FARS2: variants seen among roughly 807,000 people sequenced by gnomAD.
The protein encoded by FARS2 is phenylalanyl-tRNA synthetase 2, mitochondrial, also known as phenylalanine--tRNA ligase, mitochondrial.
FARS2 carries 40 observed loss-of-function variants against 46.4 expected under a neutral mutation model. The observed-to-expected ratio is 0.86, with a 90% CI of 0.67 to 1.12. The LOEUF (loss-of-function observed/expected upper bound fraction) is 1.12. FARS2 is among the 50% of genes most tolerant of loss of function. The pLI, the probability that FARS2 is intolerant of heterozygous loss-of-function variation, is 0.00. For missense variants in FARS2, 513 were observed against 567.9 expected (o/e 0.90, Z 0.98); for synonymous variants, 234 against 214.9 (o/e 1.09, Z -0.78).
chr6:5,595,490 A>G (rs1013974348), intron 5 of FARS2, among the ~76,000 whole-genome samples: 2 of 152,192 alleles, frequency 1.3e-5, no homozygotes, highest in African/African-American at 2.4e-5. Flanking sequence ...AGAGCCACAG[A>G]CTTTCTCATT....
At chr6:5,678,742 G>T (rs1341943318) in intron 6 of FARS2, among the ~76,000 whole-genome samples, 2 of 152,180 alleles carry the variant, frequency 1.3e-5, no homozygotes, top group Non-Finnish European at 2.9e-5. Flanking sequence ...ATGGAAGCTA[G>T]GAGGGAAACA....
intron 3 of FARS2, among the ~76,000 whole-genome samples, chr6:5,416,342 T>C (rs1405630970): frequency 2.0e-5 from 3 of 152,212 alleles, no homozygotes; most frequent in Middle Eastern, 3.2e-3. Flanking sequence ...TGAAATTTTG[T>C]TTTCCATATT....
At chr6:5,432,324 AAAAAT>A (rs1177776435) in intron 4 of FARS2, among the ~76,000 whole-genome samples, 67 of 36,928 alleles carry the variant, frequency 1.8e-3, no homozygotes, top group African/African-American at 2.9e-3. Flanking sequence ...TAAAAAAAAA[AAAAAT>A]ATATATATAT....
At chr6:5,636,477 T>C (rs1403656616) in intron 6 of FARS2, among the ~76,000 whole-genome samples, 2 of 152,226 alleles carry the variant, frequency 1.3e-5, no homozygotes, top group Non-Finnish European at 2.9e-5. Flanking sequence ...CCCGGACAGA[T>C]GCTTGACCCA....
At chr6:5,524,318 G>A (rs918962407) in intron 4 of FARS2, among the ~76,000 whole-genome samples, 3 of 152,226 alleles carry the variant, frequency 2.0e-5, no homozygotes, top group Non-Finnish European at 2.9e-5. Flanking sequence ...GGCACTGAGT[G>A]CCTGACTACA....
At chr6:5,721,649 C>A (rs2150921487) in intron 6 of FARS2, among the ~76,000 whole-genome samples, 1 of 152,336 alleles carries the variant, frequency 6.6e-6, no homozygotes, top group Non-Finnish European at 1.5e-5. Flanking sequence ...TCATTAGTAT[C>A]ATCACCAATC....
chr6:5,658,014 T>G (rs1199230563), intron 6 of FARS2, among the ~76,000 whole-genome samples: 1 of 152,192 alleles, frequency 6.6e-6, no homozygotes, highest in African/African-American at 2.4e-5. Flanking sequence ...GCACTTAGAT[T>G]GGGAGGCCGA....
intron 4 of FARS2, among the ~76,000 whole-genome samples, chr6:5,504,437 TAAAAAAA>T (rs143444280): frequency 7.9e-6 from 1 of 126,472 alleles, no homozygotes; most frequent in Non-Finnish European, 1.7e-5. Flanking sequence ...TGCTTTCCAG[TAAAAAAA>T]AAAAAAAAAA....
At chr6:5,650,186 C>T (rs966245874) in intron 6 of FARS2, among the ~76,000 whole-genome samples, 12 of 151,492 alleles carry the variant, frequency 7.9e-5, no homozygotes, top group Admixed American at 4.6e-4. Flanking sequence ...AGCAGTAGGC[C>T]GAGAGATGTC....
chr6:5,268,029 C>T (rs1439236372), intron 1 of FARS2, among the ~76,000 whole-genome samples: 67 of 152,130 alleles, frequency 4.4e-4, no homozygotes, highest in South Asian at 2.5e-3. Flanking sequence ...TCATATCCTT[C>T]GCCCACTTTT....
At chr6:5,406,496 T>A (rs779939993) in intron 3 of FARS2, among the ~76,000 whole-genome samples, 6 of 152,232 alleles carry the variant, frequency 3.9e-5, no homozygotes, top group Non-Finnish European at 8.8e-5. Context: ...ATTAATCAGT[T>A]TGCATTTTTT....
intron 5 of FARS2, among the ~76,000 whole-genome samples, chr6:5,558,139 G>T (rs1209745186): frequency 6.6e-6 from 1 of 152,150 alleles, no homozygotes; most frequent in African/African-American, 2.4e-5. Context: ...GTTAAGAAAG[G>T]TAAATGTAGT....
At chr6:5,753,217 C>G (rs535052299) in intron 6 of FARS2, among the ~76,000 whole-genome samples, 1 of 152,288 alleles carries the variant, frequency 6.6e-6, no homozygotes, top group South Asian at 2.1e-4. Flanking sequence ...ATCAAAGTTA[C>G]TACTGCAAAC....
chr6:5,548,303 T>C (rs1426410705), intron 5 of FARS2, among the ~76,000 whole-genome samples: 1 of 152,238 alleles, frequency 6.6e-6, no homozygotes, highest in Non-Finnish European at 1.5e-5. Flanking sequence ...ATGATTTTTA[T>C]GAGTGTATTT....
intron 1 of FARS2, among the ~76,000 whole-genome samples, chr6:5,283,566 A>T (rs1007730498): frequency 1.3e-5 from 2 of 150,846 alleles, no homozygotes; most frequent in African/African-American, 4.9e-5. Context: ...AAAAAAAAAA[A>T]TCAGAAGGCA....
chr6:5,676,082 T>A (rs1778752026), intron 6 of FARS2, among the ~76,000 whole-genome samples: 2 of 151,904 alleles, frequency 1.3e-5, no homozygotes, highest in African/African-American at 2.4e-5. Flanking sequence ...TAAAAAAAAA[T>A]AGTAAAATGG....
At chr6:5,366,858 C>T (rs1758716032) in intron 1 of FARS2, among the ~76,000 whole-genome samples, 1 of 152,136 alleles carries the variant, frequency 6.6e-6, no homozygotes, top group Admixed American at 6.5e-5. Flanking sequence ...TGATTTTGTG[C>T]CAAGATGTGT....
At chr6:5,397,936 A>G (rs1023031302) in intron 2 of FARS2, among the ~76,000 whole-genome samples, 17 of 152,178 alleles carry the variant, frequency 1.1e-4, no homozygotes, top group African/African-American at 3.4e-4. Context: ...TCAACTTGAC[A>G]TGATTTTGTA....
intron 6 of FARS2, among the ~76,000 whole-genome samples, chr6:5,755,237 A>C (rs560776318): frequency 3.9e-5 from 6 of 152,172 alleles, no homozygotes; most frequent in Non-Finnish European, 8.8e-5. Context: ...TCTGGGGTAC[A>C]TGTGCAGAAC....
Sources: allele counts gnomAD v4.1 joint callset (sites outside exome capture counted in the v4.1 genomes callset), GRCh38; gene constraint gnomAD v4.1.1; transcripts MANE v1.5; gene names NCBI Gene and HGNC (gene_info 2026-07-23, HGNC 2026-07-21).